Variants in IQGAP1 observed in about 807,000 individuals in gnomAD.
IQGAP1 encodes ras GTPase-activating-like protein IQGAP1.
A neutral mutation model predicts 215.6 loss-of-function variants in IQGAP1; 66 were observed. The observed-to-expected ratio is 0.31, with a 90% confidence interval of 0.25 to 0.38. IQGAP1 has a LOEUF of 0.38. Ranked by LOEUF, IQGAP1 falls within the 10% of genes least tolerant of loss-of-function variation. The pLI, the probability that IQGAP1 is intolerant of heterozygous loss-of-function variation, is 1.00. For synonymous variants in IQGAP1, 772 were observed against 728.7 expected, an observed-to-expected ratio of 1.06 and a Z score of -0.96; for missense variants, 1,712 against 1,997.1, an observed-to-expected ratio of 0.86 and a Z score of 2.72.
intron 3 of IQGAP1, among the ~76,000 whole-genome samples, chr15:90,426,622 A>G (rs939887094): frequency 6.6e-6 from 1 of 152,000 alleles, no homozygotes; most frequent in African/African-American, 2.4e-5. Context: ...TTAATTCTTT[A>G]GAAGGTAGAA....
intron 2 of IQGAP1, among the ~76,000 whole-genome samples, chr15:90,403,120 A>G (rs983378380): frequency 6.6e-6 from 1 of 152,146 alleles, no homozygotes; most frequent in Non-Finnish European, 1.5e-5. Context: ...AATATAAGAA[A>G]TAAAAAAAAG....
At chr15:90,413,205 A>G (rs1197567741) in intron 2 of IQGAP1, among the ~76,000 whole-genome samples, 1 of 152,130 alleles carries the variant, frequency 6.6e-6, no homozygotes, top group Non-Finnish European at 1.5e-5. Context: ...ATTTCTGTGG[A>G]TCTAACCATT....
intron 2 of IQGAP1, among the ~76,000 whole-genome samples, chr15:90,412,599 A>G (rs554350857): frequency 1.1e-4 from 16 of 152,292 alleles, no homozygotes; most frequent in African/African-American, 3.1e-4. Context: ...ATGGTGAAGA[A>G]TGCTTTATGG....
At position 90,449,662 on chromosome 15, in the gene IQGAP1, T is replaced by A; in HGVS notation, c.1162+19T>A. ...CAGAGAAGTAAGAGTCCATTGAAAT[T>A]GTATGGGAGGAAAGTTGTGGCTTTG... On this transcript the variant is annotated intron_variant, in intron 11 of 37. Transcript: ENST00000268182. 1.9e-6 allele frequency: 3 copies of A among 1,591,774 alleles called. No individual in the cohort carries two copies. Among genetic ancestry groups the A allele is most frequent in the Non-Finnish European group, 2.6e-6 (3 of 1,164,726 alleles).
Position 90,441,626 on chromosome 15 carries a change from C to T in IQGAP1, c.770C>T (p.Thr257Ile). 1 of 1,613,896 alleles carries T rather than the reference C, an allele frequency of 6.2e-7. No homozygotes were observed. Among genetic ancestry groups the T allele is most frequent in the South Asian group, 1.1e-5 (1 of 91,066 alleles). The change falls in exon 8 of 38, where the codon ACT (threonine) becomes ATT (isoleucine). Residue 257 changes from threonine to isoleucine, a missense_variant. This residue lies in a region of IQGAP1 where 1,021 missense variants were observed against 1,074.2 expected (regional missense o/e 0.95). Coordinates refer to ENST00000268182, the MANE Select transcript of IQGAP1 (RefSeq NM_003870.4). ...LVNLEEPLASTYQDILYQAKQ... is the reference protein window; with the variant it reads ...LVNLEEPLASIYQDILYQAKQ... ...AATCTTGAAGAGCCCTTGGCATCCACTTACCAGGATATACTTTACCAGGCT... is the reference window on the plus strand; with the variant it reads ...AATCTTGAAGAGCCCTTGGCATCCATTTACCAGGATATACTTTACCAGGCT...
At chr15:90,401,863 A>C (rs906724508) in intron 2 of IQGAP1, among the ~76,000 whole-genome samples, 15 of 152,230 alleles carry the variant, frequency 9.9e-5, no homozygotes, top group African/African-American at 3.6e-4. Context: ...CAGAATGATG[A>C]TGAAATTTAC....
rs1965595953 is a variant in IQGAP1 at position 90,450,903 on chromosome 15, C to T, written c.1162+1260C>T. Among the ~76,000 whole-genome samples, 11 of 151,104 alleles carry T rather than the reference C, an allele frequency of 7.3e-5. No homozygotes were observed. The South Asian group carries it at 2.3e-3, about 31-fold the overall frequency. ...ATGGATCGTTTGCAAATGTTTTCTC[C>T]TGTTCTATATGTTGTCTCTTCACTT... On this transcript the variant is annotated intron_variant, in intron 11 of 37. Transcript: ENST00000268182.
intron 4 of IQGAP1, among the ~76,000 whole-genome samples, chr15:90,431,023 TATATA>T (rs1010542142): frequency 1.4e-5 from 2 of 148,084 alleles, no homozygotes; most frequent in African/African-American, 2.5e-5. Flanking sequence ...CATATTGTAA[TATATA>T]ATCATATATA....
rs1964624904 is a variant in IQGAP1, at chr15:90,390,795, T to C, written c.77T>C (p.Leu26Pro). 8 of 1,611,602 alleles carry C rather than the reference T, an allele frequency of 5.0e-6. No individual in the cohort carries two copies. The highest frequency in any genetic ancestry group is 6.8e-6 in the Non-Finnish European group (8 of 1,177,822). The stretch of plus-strand genomic sequence containing the variant: ...GTAGCTGTCCTGGATAATGAAAGAC[T>C]TACTGCAGAGGAGATGGATGAAAGG... ...HYGSVLDNER[L>P]TAEEMDERRR... is the part of the protein sequence containing the mutation. The change falls in exon 2 of 38, where the codon CTT (leucine) becomes CCT (proline). Residue 26 changes from leucine (L) to proline (P), a missense_variant. This residue lies in a region of IQGAP1 where 1,021 missense variants were observed against 1,074.2 expected (regional missense o/e 0.95). Coordinates refer to ENST00000268182, the MANE Select transcript of IQGAP1 (RefSeq NM_003870.4).
In IQGAP1 at chr15:90,452,885, G is replaced by T; in HGVS notation, c.1273G>T (p.Ala425Ser). The T allele has an allele frequency of 6.2e-7, 1 of 1,614,094 alleles. No homozygotes were observed. The highest frequency in any genetic ancestry group is 8.5e-7 in the Non-Finnish European group (1 of 1,180,004). ...EAQLPQVYPF[A>S]ADLYQKELAT... Reference sequence around the variant, plus strand: ...CCAGCTGCCCCAGGTGTATCCATTTGCCGCCGATCTCTATCAGAAGGAGCT... The same window carrying T: ...CCAGCTGCCCCAGGTGTATCCATTTTCCGCCGATCTCTATCAGAAGGAGCT... Residue 425 changes from alanine (A) to serine (S), a missense_variant, in exon 12 of 38, where the codon GCC becomes TCC. Around this residue, in one of 2 missense-constraint regions of IQGAP1, gnomAD observed 1,021 missense variants for 1,074.2 expected, o/e 0.95. Coordinates refer to ENST00000268182, the MANE Select transcript of IQGAP1 (RefSeq NM_003870.4).
intron 34 of IQGAP1, among the ~76,000 whole-genome samples, chr15:90,492,181 A>G (rs2151039585): frequency 6.6e-6 from 1 of 152,330 alleles, no homozygotes; most frequent in South Asian, 2.1e-4. Flanking sequence ...ATGTATGGTT[A>G]GGTCAGGCAC....
chr15:90,418,089 A>G (rs1457761402), intron 2 of IQGAP1, among the ~76,000 whole-genome samples: 1 of 152,184 alleles, frequency 6.6e-6, no homozygotes, highest in Admixed American at 6.5e-5. Context: ...AACTGTTACC[A>G]GAGAGTAATT....
In IQGAP1 at chr15:90,477,207, G is replaced by C; in HGVS notation, c.3081G>C (p.Lys1027Asn). 6.2e-7 allele frequency: 1 copy of C among 1,614,028 alleles called. No individual in the cohort carries two copies. Among genetic ancestry groups the C allele is most frequent in the African/African-American group, 1.3e-5 (1 of 74,984 alleles). Residue 1027 changes from lysine (K) to asparagine (N), a missense_variant, in exon 25 of 38, where the codon AAG becomes AAC. By Grantham distance (94) the Lys-to-Asn change is moderately conservative. Coordinates refer to ENST00000268182, the MANE Select transcript of IQGAP1 (RefSeq NM_003870.4). ...REEYLLLRLF[K>N]TALQEEIKSK... ...AGTACCTGCTCCTGCGGCTCTTTAAGACAGCACTCCAAGAGGAAATCAAGT... is the reference window on the plus strand; with the variant it reads ...AGTACCTGCTCCTGCGGCTCTTTAACACAGCACTCCAAGAGGAAATCAAGT...
At chr15:90,456,989 A>T (rs559546725) in intron 15 of IQGAP1, among the ~76,000 whole-genome samples, 2,534 of 146,870 alleles carry the variant, frequency 0.017, 47 homozygotes, top group South Asian at 0.064. Context: ...CAGAAAAAAA[A>T]ATATATATAT....
At chr15:90,394,338 G>T (rs568283847) in intron 2 of IQGAP1, among the ~76,000 whole-genome samples, 2 of 151,972 alleles carry the variant, frequency 1.3e-5, no homozygotes, top group Non-Finnish European at 2.9e-5. Context: ...GTTGTTTAAG[G>T]CTTTGATTTT....
chr15:90,427,510 C>T (rs959608083), intron 3 of IQGAP1, among the ~76,000 whole-genome samples: 2 of 151,964 alleles, frequency 1.3e-5, no homozygotes, highest in Non-Finnish European at 2.9e-5. Flanking sequence ...GAGGTTGAGG[C>T]GGGCGGATCA....
intron 2 of IQGAP1, among the ~76,000 whole-genome samples, chr15:90,393,079 G>A (rs1306213993): frequency 1.4e-5 from 2 of 147,948 alleles, no homozygotes; most frequent in South Asian, 2.2e-4. Flanking sequence ...TTAACCAGGT[G>A]TGTGCATTAG....
chr15:90,432,529 A>G (rs766069654), intron 4 of IQGAP1, among the ~76,000 whole-genome samples: 2 of 152,152 alleles, frequency 1.3e-5, no homozygotes. Context: ...CTGACTTTCA[A>G]GTTGCTTATA....
chr15:90,486,933 T>C (rs1567142572), intron 31 of IQGAP1, 21 bp from the exon 32 acceptor site: 1 of 1,612,568 alleles, frequency 6.2e-7, no homozygotes, highest in Non-Finnish European at 8.5e-7. Context: ...GCTGACTCTT[T>C]CCACCCTCCC....
Sources: gnomAD v4.1 joint callset for allele counts (sites outside exome capture counted in the v4.1 genomes callset) on GRCh38, gnomAD v4.1.1 for gene constraint, gnomAD v4.1.1 regional missense constraint, MANE v1.5 for transcripts, NCBI Gene and HGNC (gene_info 2026-07-23, HGNC 2026-07-21) for gene names.